DNAH7: variants seen among roughly 807,000 people sequenced by gnomAD.
DNAH7 encodes the protein dynein axonemal heavy chain 7, also known as axonemal beta dynein heavy chain 7.
A neutral mutation model predicts 444.6 loss-of-function variants in DNAH7; 397 were observed. That is an observed-to-expected ratio of 0.89 (90% CI 0.82 to 0.97). DNAH7 has a LOEUF of 0.97. DNAH7 is among the 50% of genes least tolerant of loss of function. The probability of loss-of-function intolerance (pLI) is 0.00; values close to 1 mark genes in which losing one functional copy is unlikely to be tolerated. For synonymous variants in DNAH7, 1,636 were observed against 1,624.4 expected (o/e 1.01, Z -0.17); for missense variants, 4,902 against 4,800.8 (o/e 1.02, Z -0.62).
chr2:195,783,811 C>A (rs1399205052), intron 58 of DNAH7, among the ~76,000 whole-genome samples: 1 of 152,180 alleles, frequency 6.6e-6, no homozygotes, highest in Non-Finnish European at 1.5e-5. Context: ...CAAAAATAGT[C>A]TCCAAAAAGC....
chr2:195,987,771 T>A lies in DNAH7; in HGVS notation c.1626+186A>T, dbSNP rs187413856. ...GTCTCAGCTACATGAGCACAAGAAT[T>A]GTGTTTTGCCTAGATTCTTATACTC... On this transcript the variant is annotated intron_variant, in intron 13 of 64. Transcript: ENST00000312428. Among the ~76,000 whole-genome samples the A allele has an allele frequency of 9.9e-5, 15 of 152,198 alleles. No individual in the cohort carries two copies. The East Asian group carries it at 2.9e-3, about 29-fold the overall frequency.
At chr2:195,762,266 G>T (rs1340401903) in intron 61 of DNAH7, among the ~76,000 whole-genome samples, 2 of 152,046 alleles carry the variant, frequency 1.3e-5, no homozygotes, top group African/African-American at 4.8e-5. Flanking sequence ...AAAGTAAAAA[G>T]CAAGAAGTTA....
At chr2:195,881,445 TAA>T (rs1369011543) in intron 36 of DNAH7, among the ~76,000 whole-genome samples, 1 of 152,186 alleles carries the variant, frequency 6.6e-6, no homozygotes, top group South Asian at 2.1e-4. Flanking sequence ...CCTTCAGATA[TAA>T]AATAACTTAG....
intron 21 of DNAH7, among the ~76,000 whole-genome samples, chr2:195,931,109 A>AG (rs2125391355): frequency 6.6e-6 from 1 of 152,262 alleles, no homozygotes; most frequent in African/African-American, 2.4e-5. Context: ...GATGGGATCA[A>AG]TCACTCCCCA....
chr2:195,891,049 G>T (rs1015072465), intron 31 of DNAH7, among the ~76,000 whole-genome samples: 3 of 152,198 alleles, frequency 2.0e-5, no homozygotes, highest in Non-Finnish European at 2.9e-5. Context: ...TTGGTCTGCG[G>T]ATTCTTTTTA....
intron 10 of DNAH7, among the ~76,000 whole-genome samples, chr2:196,010,970 G>C (rs1158777153): frequency 6.6e-6 from 1 of 152,154 alleles, no homozygotes; most frequent in Non-Finnish European, 1.5e-5. Context: ...CATGGAGGTT[G>C]TAAGTAGAAT....
intron 19 of DNAH7, 30 bp from the exon 20 acceptor site, chr2:195,936,822 C>A: frequency 4.2e-6 from 6 of 1,419,686 alleles, no homozygotes; most frequent in Non-Finnish European, 4.7e-6. Flanking sequence ...ACACTCAATT[C>A]AAAAATATTA....
At chr2:195,786,093 CT>C (rs1695608438) in intron 58 of DNAH7, among the ~76,000 whole-genome samples, 1 of 152,132 alleles carries the variant, frequency 6.6e-6, no homozygotes, top group Non-Finnish European at 1.5e-5. Flanking sequence ...ATAAAAGATT[CT>C]TCACATAAGT....
chr2:196,027,894 G>A (rs1695789061), intron 6 of DNAH7, 66 bp downstream of exon 6: 5 of 1,474,688 alleles, frequency 3.4e-6, no homozygotes, highest in Admixed American at 1.8e-5. Context: ...GGTCTCCAAA[G>A]TATAAAATTA....
chr2:195,916,879 C>T (rs931775649), intron 24 of DNAH7, among the ~76,000 whole-genome samples: 1 of 151,604 alleles, frequency 6.6e-6, no homozygotes, highest in African/African-American at 2.4e-5. Flanking sequence ...GCGGGCGGAT[C>T]ACGAGGTCAG....
intron 33 of DNAH7, among the ~76,000 whole-genome samples, chr2:195,887,761 T>C (rs1701788069): frequency 6.6e-6 from 1 of 152,140 alleles, no homozygotes; most frequent in African/African-American, 2.4e-5. Flanking sequence ...TCGCTGAAGC[T>C]CATCAACTCT....
At chr2:195,983,003 G>A (rs1374227099) in intron 15 of DNAH7, among the ~76,000 whole-genome samples, 1 of 152,076 alleles carries the variant, frequency 6.6e-6, no homozygotes, top group Non-Finnish European at 1.5e-5. Context: ...GAAACACAAA[G>A]GATAAATGCT....
At chr2:196,053,884 G>A (rs576138269) in intron 2 of DNAH7, among the ~76,000 whole-genome samples, 35 of 152,298 alleles carry the variant, frequency 2.3e-4, no homozygotes, top group African/African-American at 7.7e-4. Flanking sequence ...AAGAGCTAGA[G>A]GGACAGGGAG....
intron 42 of DNAH7, among the ~76,000 whole-genome samples, chr2:195,859,312 CAAAT>C (rs957402357): frequency 1.3e-4 from 20 of 151,948 alleles, no homozygotes; most frequent in African/African-American, 4.6e-4. Flanking sequence ...GAAAAAGTAA[CAAAT>C]AGAGCAGATC....
chr2:195,872,272 A>G lies in DNAH7; in HGVS notation c.6611T>C (p.Ile2204Thr), dbSNP rs754330328. ...RPETTETTEV[I>T]KRLWVHEVLR... ...TACCTCATGAACCCAAAGACGTTTA[A>G]TCACTTCTGTGGTTTCTGTTGTTTC... Residue 2204 changes from isoleucine (I) to threonine (T), a missense_variant, in exon 40 of 65, where the codon ATT becomes ACT. Physicochemically the swap from Ile to Thr is moderately conservative, Grantham distance 89. Transcript: ENST00000312428. 6.2e-7 allele frequency: 1 copy of G among 1,613,474 alleles called. No individual in the cohort carries two copies. Among genetic ancestry groups the G allele is most frequent in the South Asian group, 1.1e-5 (1 of 91,000 alleles).
intron 64 of DNAH7, among the ~76,000 whole-genome samples, chr2:195,740,255 G>A (rs1692917264): frequency 6.6e-6 from 1 of 152,182 alleles, no homozygotes; most frequent in South Asian, 2.1e-4. Context: ...AAAGTGCTGA[G>A]ATTACAGGTG....
At chr2:195,976,128 G>A (rs1692170558) in intron 15 of DNAH7, among the ~76,000 whole-genome samples, 3 of 152,126 alleles carry the variant, frequency 2.0e-5, no homozygotes, top group African/African-American at 7.2e-5. Flanking sequence ...GGGATCTCGG[G>A]ATCCCCAATT....
intron 10 of DNAH7, among the ~76,000 whole-genome samples, chr2:196,008,794 G>T (rs1025977539): frequency 6.6e-6 from 1 of 152,224 alleles, no homozygotes; most frequent in Non-Finnish European, 1.5e-5. Flanking sequence ...GGAAATGGCT[G>T]CTAACAGGTA....
intron 19 of DNAH7, among the ~76,000 whole-genome samples, chr2:195,949,371 C>T (rs1250917534): frequency 1.3e-5 from 2 of 152,092 alleles, no homozygotes; most frequent in South Asian, 2.1e-4. Flanking sequence ...GCAACCTCTG[C>T]CTCCCGAGTT....
Sources: gnomAD v4.1 joint callset for allele counts (sites outside exome capture counted in the v4.1 genomes callset) on GRCh38, gnomAD v4.1.1 for gene constraint, MANE v1.5 for transcripts, NCBI Gene and HGNC (gene_info 2026-07-23, HGNC 2026-07-21) for gene names.